The following DNAJC12 variants were observed in gnomAD, a reference collection of about 807,000 sequenced individuals.
DNAJC12 encodes the protein DnaJ heat shock protein family (Hsp40) member C12, also known as dnaJ homolog subfamily C member 12.
DNAJC12 carries 25 observed loss-of-function variants against 28.5 expected under a neutral mutation model. The observed-to-expected ratio is 0.88, with a 90% confidence interval of 0.64 to 1.22. The LOEUF is 1.22. Among genes scored for constraint, DNAJC12 ranks in the 50% most tolerant of loss-of-function variants. The pLI is 0.00. For synonymous variants in DNAJC12, 77 were observed against 80.6 expected (o/e 0.95, Z 0.24); for missense variants, 222 against 231.7 (o/e 0.96, Z 0.27).
At chr10:67,816,440 A>C (rs577486782) in intron 2 of DNAJC12, among the ~76,000 whole-genome samples, 1 of 152,292 alleles carries the variant, frequency 6.6e-6, no homozygotes, top group South Asian at 2.1e-4. Flanking sequence ...TTAGTTAACA[A>C]AGGACAAATT....
intron 3 of DNAJC12, chr10:67,811,066 G>A (rs1227450007): frequency 6.4e-6 from 1 of 157,398 alleles, no homozygotes; most frequent in East Asian, 1.9e-4. Context: ...TCACCAGAAT[G>A]TTTAATAGGA....
chr10:67,803,778 G>C (rs1235271939), intron 4 of DNAJC12, among the ~76,000 whole-genome samples: 1 of 152,208 alleles, frequency 6.6e-6, no homozygotes, highest in Non-Finnish European at 1.5e-5. Flanking sequence ...GTACTCCTGT[G>C]TTTGCTTAAA....
chr10:67,828,542 G>A (rs1842059782), intron 1 of DNAJC12, among the ~76,000 whole-genome samples: 1 of 152,104 alleles, frequency 6.6e-6, no homozygotes, highest in Non-Finnish European at 1.5e-5. Flanking sequence ...TTAACTATGT[G>A]TTTCCTCTTC....
intron 1 of DNAJC12, among the ~76,000 whole-genome samples, chr10:67,828,689 T>C (rs913881177): frequency 2.4e-4 from 37 of 151,928 alleles, no homozygotes; most frequent in Admixed American, 5.3e-4. Flanking sequence ...TATATATATA[T>C]ACACACATAT....
At chr10:67,831,376 T>C (rs1472047782) in intron 1 of DNAJC12, among the ~76,000 whole-genome samples, 2 of 152,192 alleles carry the variant, frequency 1.3e-5, no homozygotes, top group Admixed American at 1.3e-4. Flanking sequence ...CATATATTAA[T>C]TTTAGAACTT....
intron 2 of DNAJC12, among the ~76,000 whole-genome samples, chr10:67,819,256 C>T (rs1211117593): frequency 2.0e-5 from 3 of 151,790 alleles, no homozygotes; most frequent in Non-Finnish European, 4.4e-5. Flanking sequence ...TGGCGTAAAC[C>T]CGGGAGGCGG....
In DNAJC12 at chr10:67,797,210, C is replaced by A. The variant is rs781133305; in HGVS notation, c.503G>T (p.Gly168Val). 1.9e-6 allele frequency: 3 copies of A among 1,612,120 alleles called. No homozygotes were observed. The highest frequency in any genetic ancestry group is 1.7e-5 in the Admixed American group (1 of 59,826). ...SVSPQNSDSSGFADVNGWHLR... is the reference protein window; with the variant it reads ...SVSPQNSDSSVFADVNGWHLR... Reference sequence around the variant, plus strand: ...GTGCCAACCATTCACATCTGCAAAACCTTTAAAGGAAAGAAAGTAAATATT... The same window carrying A: ...GTGCCAACCATTCACATCTGCAAAAACTTTAAAGGAAAGAAAGTAAATATT... The change falls in exon 5 of 5, where the codon GGT (glycine) becomes GTT (valine). Residue 168 changes from glycine (G) to valine (V), a missense_variant and splice_region_variant. Transcript: ENST00000225171.
rs1219148076 is a variant in DNAJC12, at chr10:67,815,911, A to G, written c.158-4248T>C. ...TAAGCAGAAAGAAAAAAGAAACCTTATCTTTCCTATAATGTGACCTTTCTC... is the reference window on the plus strand; with the variant it reads ...TAAGCAGAAAGAAAAAAGAAACCTTGTCTTTCCTATAATGTGACCTTTCTC... On this transcript the variant is annotated intron_variant, in intron 2 of 4. Coordinates refer to ENST00000225171, the MANE Select transcript of DNAJC12 (RefSeq NM_021800.3). The G allele has an allele frequency of 1.8e-5, 7 of 394,260 alleles. No homozygotes were observed. The Admixed American group carries it at 2.7e-4, about 15-fold the overall frequency. The allele number at this position is 394,260 out of a possible 1,614,324, so 24.4% of individuals were successfully genotyped here. A position where few individuals can be genotyped will look rare whatever the true frequency, so the allele number is the denominator to read the frequency against.
At chr10:67,816,418 CA>C (rs1564861988) in intron 2 of DNAJC12, among the ~76,000 whole-genome samples, 2 of 151,794 alleles carry the variant, frequency 1.3e-5, no homozygotes, top group African/African-American at 4.8e-5. Flanking sequence ...AAAATTGAGA[CA>C]TTAAAAGATG....
intron 2 of DNAJC12, among the ~76,000 whole-genome samples, chr10:67,818,273 G>T (rs187748256): frequency 2.7e-4 from 41 of 152,228 alleles, no homozygotes; most frequent in Admixed American, 7.9e-4. Context: ...CCACATAAAC[G>T]TTCAGAAAGT....
chr10:67,805,727 G>A lies in DNAJC12; in HGVS notation c.358C>T (p.His120Tyr). The A allele has an allele frequency of 6.2e-7, 1 of 1,612,116 alleles. No individual in the cohort carries two copies. Among genetic ancestry groups the A allele is most frequent in the Non-Finnish European group, 8.5e-7 (1 of 1,179,542 alleles). ...TCCTCATTTTCCATCTTGGTGGTAT[G>A]AGTCTTGTCAGATTCTTCCAGCATC... ...DLMLEESDKT[H>Y]TTKMENEECN... The change falls in exon 4 of 5, where the codon CAT becomes TAT. Residue 120 changes from histidine (H) to tyrosine (Y), a missense_variant. Transcript: ENST00000225171.
At chr10:67,832,494 G>T (rs1284808896) in intron 1 of DNAJC12, among the ~76,000 whole-genome samples, 2 of 151,900 alleles carry the variant, frequency 1.3e-5, no homozygotes, top group Non-Finnish European at 2.9e-5. Flanking sequence ...AATAAATAAT[G>T]GTAATATTTG....
chr10:67,830,045 G>A (rs1842077566), intron 1 of DNAJC12, among the ~76,000 whole-genome samples: 1 of 152,094 alleles, frequency 6.6e-6, no homozygotes, highest in African/African-American at 2.4e-5. Context: ...TGGGTGCAGT[G>A]GCTCACACCT....
chr10:67,811,490 C>T (rs1841857618), intron 3 of DNAJC12, 34 bp downstream of exon 3: 2 of 1,613,160 alleles, frequency 1.2e-6, no homozygotes. Flanking sequence ...TCCTGAGCTT[C>T]ACAAATTCAC....
intron 1 of DNAJC12, among the ~76,000 whole-genome samples, chr10:67,835,557 GCA>G (rs1842134370): frequency 6.6e-6 from 1 of 152,028 alleles, no homozygotes. Flanking sequence ...AGGCATGGTG[GCA>G]TGTGCCTGTA....
Position 67,838,080 on chromosome 10 carries a change from G to A in DNAJC12, c.-69C>T. 1 of 1,066,872 alleles carries A rather than the reference G, an allele frequency of 9.4e-7. No individual in the cohort carries two copies. The highest frequency in any genetic ancestry group is 1.4e-6 in the Non-Finnish European group (1 of 710,526). The allele number at this position is 1,066,872 out of a possible 1,614,324, so 66.1% of individuals were successfully genotyped here. ...ACAGTGAGCTTCGAATTAACAGGAAGAAACTCTTTAAATCTGAATTAGAGC... is the reference window on the plus strand; with the variant it reads ...ACAGTGAGCTTCGAATTAACAGGAAAAAACTCTTTAAATCTGAATTAGAGC... On this transcript the variant is annotated 5_prime_UTR_variant, in exon 1 of 5. Transcript: ENST00000225171.
Position 67,828,461 on chromosome 10 carries a change from A to C in DNAJC12, c.79-5069T>G, listed in dbSNP as rs1037951722. On this transcript the variant is annotated intron_variant, in intron 1 of 4. Coordinates refer to ENST00000225171, the MANE Select transcript of DNAJC12 (RefSeq NM_021800.3). ...TATAAAACCCAGACTAATAACTATTATTTTCTTTGTTAAACTTCTGAGAAC... is the reference window on the plus strand; with the variant it reads ...TATAAAACCCAGACTAATAACTATTCTTTTCTTTGTTAAACTTCTGAGAAC... Among the ~76,000 whole-genome samples, 13 of 152,154 alleles carry C rather than the reference A, an allele frequency of 8.5e-5. No individual in the cohort carries two copies. In the South Asian group the frequency reaches 1.0e-3, roughly 12 times the overall value.
In DNAJC12 at chr10:67,838,102, G is replaced by C. The variant is rs532490723; in HGVS notation, c.-91C>G. The C allele has an allele frequency of 4.7e-6, 4 of 846,704 alleles. No individual in the cohort carries two copies. The South Asian group carries it at 4.8e-5, about 10-fold the overall frequency. 52.4% of individuals were successfully genotyped at this position (846,704 alleles called of 1,614,324 possible). A position where few individuals can be genotyped will look rare whatever the true frequency, so the allele number is the denominator to read the frequency against. ...GAAGAAACTCTTTAAATCTGAATTA[G>C]AGCAGCATGTTCCACATAGCAAAAA... On this transcript the variant is annotated 5_prime_UTR_variant, in exon 1 of 5. Coordinates refer to ENST00000225171, the MANE Select transcript of DNAJC12 (RefSeq NM_021800.3).
At chr10:67,813,598 A>AC (rs1841884282) in intron 2 of DNAJC12, among the ~76,000 whole-genome samples, 1 of 150,546 alleles carries the variant, frequency 6.6e-6, no homozygotes, top group Non-Finnish European at 1.5e-5. Flanking sequence ...AAATACAAAA[A>AC]AAAAAAAAAA....
Sources: allele counts gnomAD v4.1 joint callset (sites outside exome capture counted in the v4.1 genomes callset), GRCh38; gene constraint gnomAD v4.1.1; transcripts MANE v1.5; gene names NCBI Gene and HGNC (gene_info 2026-07-23, HGNC 2026-07-21).